The following SHTN1 variants were observed in gnomAD, a reference collection of about 807,000 sequenced individuals.
SHTN1 encodes shootin 1.
In SHTN1, 42 loss-of-function variants were observed where a neutral mutation model predicts 83.1. The observed-to-expected ratio is 0.51, with a 90% CI of 0.39 to 0.65. SHTN1 has a LOEUF of 0.65. SHTN1 is among the 30% of genes least tolerant of loss of function. The probability of loss-of-function intolerance (pLI) is 0.00; values close to 1 mark genes in which losing one functional copy is unlikely to be tolerated. For missense variants in SHTN1, 622 were observed against 737.8 expected (o/e 0.84, Z 1.82); for synonymous variants, 224 against 247.7 (o/e 0.90, Z 0.90).
At chr10:117,027,226 G>A (rs1852345082) in intron 2 of SHTN1, among the ~76,000 whole-genome samples, 1 of 152,090 alleles carries the variant, frequency 6.6e-6, no homozygotes, top group Non-Finnish European at 1.5e-5. Flanking sequence ...CTGGCTCATG[G>A]GACTGGTTTC....
chr10:117,093,446 G>A (rs1012984408), intron 1 of SHTN1, among the ~76,000 whole-genome samples: 5 of 152,102 alleles, frequency 3.3e-5, no homozygotes, highest in South Asian at 2.1e-4. Context: ...TCGGGAGGCC[G>A]AGGTGGGAGG....
chr10:116,886,009 T>C lies in SHTN1; in HGVS notation c.*335A>G. 4.0e-6 allele frequency: 1 copy of C among 247,068 alleles called. No individual in the cohort carries two copies. Among genetic ancestry groups the C allele is most frequent in the South Asian group, 8.6e-5 (1 of 11,656 alleles). 15.3% of individuals were successfully genotyped at this position (247,068 alleles called of 1,614,324 possible). On this transcript the variant is annotated 3_prime_UTR_variant, in exon 17 of 17. Coordinates refer to ENST00000355371, the MANE Select transcript of SHTN1 (RefSeq NM_001127211.3). ...ATACAAGCACCTCAAACTTTCAGCATTCCATTTGATGAGTGGTATGCACAT... is the reference window on the plus strand; with the variant it reads ...ATACAAGCACCTCAAACTTTCAGCACTCCATTTGATGAGTGGTATGCACAT...
In SHTN1 at chr10:116,886,435, G is replaced by A; in HGVS notation, c.1805C>T (p.Thr602Ile). Residue 602 changes from threonine to isoleucine, a missense_variant, in exon 17 of 17, where the codon ACT becomes ATT. Transcript: ENST00000355371. ...TKDQVAEKDP[T>I]QHKEDEGEIQ... ...TTCGCCTTCATCCTCCTTGTGTTGA[G>A]TTGGATCTTTTTCAGCAACCTGGTC... 1 of 1,610,828 alleles carries A rather than the reference G, an allele frequency of 6.2e-7. No individual in the cohort carries two copies. The highest frequency in any genetic ancestry group is 8.5e-7 in the Non-Finnish European group (1 of 1,178,092).
intron 13 of SHTN1, among the ~76,000 whole-genome samples, chr10:116,913,805 G>A (rs1776773684): frequency 6.6e-6 from 1 of 152,102 alleles, no homozygotes; most frequent in Non-Finnish European, 1.5e-5. Flanking sequence ...TAAGGCAGGT[G>A]CTATCCCCAT....
chr10:117,105,193 G>A (rs1853654697), intron 1 of SHTN1, among the ~76,000 whole-genome samples: 1 of 152,110 alleles, frequency 6.6e-6, no homozygotes, highest in Non-Finnish European at 1.5e-5. Flanking sequence ...TCCTCAATTA[G>A]ATAGCCAGCT....
intron 3 of SHTN1, among the ~76,000 whole-genome samples, chr10:116,961,862 A>C (rs1400109661): frequency 3.9e-5 from 6 of 152,224 alleles, no homozygotes; most frequent in Non-Finnish European, 8.8e-5. Context: ...CTGTGGAGAC[A>C]GACGGCATAA....
intron 12 of SHTN1, among the ~76,000 whole-genome samples, chr10:116,917,575 G>A (rs1209897727): frequency 6.6e-6 from 1 of 152,164 alleles, no homozygotes; most frequent in Non-Finnish European, 1.5e-5. Context: ...AGAGCTGCAT[G>A]GTGATAGGAA....
rs1266395769 is a variant in SHTN1, at chr10:116,900,787, A to G, written c.1673+978T>C. The G allele has an allele frequency of 3.0e-6, 3 of 985,266 alleles. No individual in the cohort carries two copies. The African/African-American group carries it at 5.2e-5, about 17-fold the overall frequency. 61.0% of individuals were successfully genotyped at this position (985,266 alleles called of 1,614,324 possible). A position where few individuals can be genotyped will look rare whatever the true frequency, so the allele number is the denominator to read the frequency against. ...AAGGAAACACATGACTACAGGAGAA[A>G]ATGTGCTTTTAAACACAGTGAAATT... is the stretch of plus-strand genomic sequence containing the variant. On this transcript the variant is annotated intron_variant, in intron 16 of 16. Transcript: ENST00000355371.
At chr10:117,072,327 T>C (rs544778071) in intron 1 of SHTN1, among the ~76,000 whole-genome samples, 22 of 152,254 alleles carry the variant, frequency 1.4e-4, no homozygotes, top group Middle Eastern at 3.4e-3. Context: ...GAGGACTAGA[T>C]TGCAGCTCCA....
chr10:117,009,588 G>A (rs922450048), upstream of SHTN1, among the ~76,000 whole-genome samples: 2 of 151,894 alleles, frequency 1.3e-5, no homozygotes, highest in African/African-American at 2.4e-5. Flanking sequence ...GGGTTGATTC[G>A]GTAAGAATAT....
At chr10:116,926,861 G>T (rs1848762223) in intron 11 of SHTN1, among the ~76,000 whole-genome samples, 1 of 152,112 alleles carries the variant, frequency 6.6e-6, no homozygotes, top group African/African-American at 2.4e-5. Context: ...GTGGCATGTG[G>T]AACCACAAAA....
At chr10:116,887,137 G>A (rs759131652) in intron 16 of SHTN1, among the ~76,000 whole-genome samples, 7 of 152,148 alleles carry the variant, frequency 4.6e-5, no homozygotes, top group African/African-American at 7.2e-5. Flanking sequence ...GACCAAGGGC[G>A]GAGAGAGAGC....
intron 2 of SHTN1, among the ~76,000 whole-genome samples, chr10:116,976,758 A>G (rs1426356620): frequency 3.3e-5 from 5 of 152,134 alleles, no homozygotes; most frequent in Non-Finnish European, 7.4e-5. Flanking sequence ...TTGAGGAAAA[A>G]CCTGCAGTAA....
intron 2 of SHTN1, among the ~76,000 whole-genome samples, chr10:117,037,442 T>G (rs902151879): frequency 6.6e-6 from 1 of 152,314 alleles, no homozygotes; most frequent in Middle Eastern, 3.4e-3. Flanking sequence ...AGATATTCCA[T>G]GTGCAAGGAT....
intron 9 of SHTN1, among the ~76,000 whole-genome samples, chr10:116,936,166 C>T (rs182963098): frequency 1.4e-3 from 213 of 152,178 alleles, no homozygotes; most frequent in African/African-American, 5.0e-3. Flanking sequence ...GTCTCTATCT[C>T]CTTCAGTTCT....
chr10:117,118,976 A>G (rs1410262651), intron 1 of SHTN1, among the ~76,000 whole-genome samples: 1 of 152,376 alleles, frequency 6.6e-6, no homozygotes, highest in South Asian at 2.1e-4. Context: ...TGATATATAT[A>G]CACAATGAAA....
intron 15 of SHTN1, among the ~76,000 whole-genome samples, chr10:116,904,541 G>A (rs1334267228): frequency 6.6e-6 from 1 of 151,142 alleles, no homozygotes; most frequent in African/African-American, 2.4e-5. Flanking sequence ...CCTCACCAAT[G>A]AGTTCTCATT....
At chr10:117,077,682 T>G (rs577092022) in intron 1 of SHTN1, among the ~76,000 whole-genome samples, 7 of 152,052 alleles carry the variant, frequency 4.6e-5, no homozygotes, top group African/African-American at 1.4e-4. Context: ...CCTGTGTCCA[T>G]GTGTTCTCAT....
chr10:117,097,905 A>G (rs1199244508), intron 1 of SHTN1, among the ~76,000 whole-genome samples: 3 of 150,462 alleles, frequency 2.0e-5, no homozygotes, highest in African/African-American at 7.3e-5. Context: ...TTTTTTTTCC[A>G]TCATCCCAAC....
Sources: gnomAD v4.1 joint callset for allele counts (sites outside exome capture counted in the v4.1 genomes callset) on GRCh38, gnomAD v4.1.1 for gene constraint, MANE v1.5 for transcripts, NCBI Gene and HGNC (gene_info 2026-07-23, HGNC 2026-07-21) for gene names.